The following DNAH8 variants were observed in gnomAD, a reference collection of about 807,000 sequenced individuals.
The protein encoded by DNAH8 is axonemal beta dynein heavy chain 8.
A neutral mutation model predicts 562.1 loss-of-function variants in DNAH8; 382 were observed. The observed-to-expected ratio is 0.68, with a 90% confidence interval of 0.63 to 0.74. The LOEUF is 0.74. Among genes scored for constraint, DNAH8 ranks in the 30% least tolerant of loss-of-function variants. The pLI is 0.00. For missense variants in DNAH8, 5,203 were observed against 5,620.4 expected (o/e 0.93, Z 2.37); for synonymous variants, 1,881 against 1,919.4 (o/e 0.98, Z 0.52).
intron 82 of DNAH8, among the ~76,000 whole-genome samples, chr6:38,965,699 G>A (rs1207513401): frequency 1.3e-5 from 2 of 152,126 alleles, no homozygotes; most frequent in African/African-American, 4.8e-5. Context: ...AATGTTTCCT[G>A]CATACACGCT....
chr6:38,957,254 A>G (rs766359039), intron 82 of DNAH8, among the ~76,000 whole-genome samples: 1 of 150,942 alleles, frequency 6.6e-6, no homozygotes, highest in Non-Finnish European at 1.5e-5. Flanking sequence ...TGCACCCAAC[A>G]TCAGAGCACC....
intron 88 of DNAH8, among the ~76,000 whole-genome samples, chr6:39,000,623 CCCAGATGG>C: frequency 6.6e-6 from 1 of 152,312 alleles, no homozygotes; most frequent in Admixed American, 6.5e-5. Flanking sequence ...TTCCATCACC[CCCAGATGG>C]GACCGTCTAG....
At chr6:38,865,543 A>G (rs923844019) in intron 45 of DNAH8, among the ~76,000 whole-genome samples, 1 of 152,220 alleles carries the variant, frequency 6.6e-6, no homozygotes, top group Non-Finnish European at 1.5e-5. Flanking sequence ...TCCATCATGA[A>G]TTCCATCTTC....
intron 28 of DNAH8, among the ~76,000 whole-genome samples, chr6:38,824,753 G>A (rs908935260): frequency 6.6e-6 from 1 of 152,084 alleles, no homozygotes; most frequent in African/African-American, 2.4e-5. Context: ...TATATGAGAC[G>A]CTTAGCATAG....
chr6:38,994,649 C>CTTTTTTTTTTTTTTTTTTTTTTTTTT (rs5875650), intron 88 of DNAH8, among the ~76,000 whole-genome samples: 1 of 119,736 alleles, frequency 8.4e-6, no homozygotes. Flanking sequence ...CTTTTTTTTT[C>CTTTTTTTTTTTTTTTTTTTTTTTTTT]TTTTTTTTTT....
intron 81 of DNAH8, 130 bp downstream of exon 81, chr6:38,949,700 G>A (rs900125028): frequency 3.2e-6 from 2 of 630,754 alleles, no homozygotes; most frequent in South Asian, 2.1e-5. Context: ...AATTACTTTT[G>A]TGCCAACCTA....
intron 36 of DNAH8, 44 bp from the exon 37 acceptor site, chr6:38,848,604 T>C: frequency 1.3e-6 from 2 of 1,517,322 alleles, no homozygotes. Context: ...TACTATTTTC[T>C]GAATCTTCTT....
chr6:38,904,326 A>C lies in DNAH8; in HGVS notation c.9195-1928A>C, dbSNP rs547466434. 2.1e-3 allele frequency among the ~76,000 whole-genome samples: 318 copies of C among 152,252 alleles called. 1 individual carries two copies. The highest frequency in any genetic ancestry group is 4.0e-3 in the Non-Finnish European group (271 of 68,004). On this transcript the variant is annotated intron_variant, in intron 62 of 92. Transcript: ENST00000327475. ...CAGTAGAGAGGAACCTTTTGTGGTC[A>C]TGGGGAGTACGAATAGGGTGCGTCA...
intron 74 of DNAH8, 95 bp downstream of exon 74, chr6:38,926,305 A>C: frequency 5.6e-5 from 76 of 1,349,220 alleles, no homozygotes; most frequent in Non-Finnish European, 6.7e-5. Flanking sequence ...TGTCATCTCC[A>C]TGACAAATGT....
At chr6:38,933,085 C>T (rs1339908828) in intron 76 of DNAH8, among the ~76,000 whole-genome samples, 1 of 152,206 alleles carries the variant, frequency 6.6e-6, no homozygotes, top group Admixed American at 6.5e-5. Flanking sequence ...CTGTTTCCAT[C>T]GCCTCTCAGG....
intron 89 of DNAH8, among the ~76,000 whole-genome samples, chr6:39,010,799 ACG>A (rs1554163097): frequency 9.5e-6 from 1 of 105,106 alleles, no homozygotes. Context: ...ACGCACGTGT[ACG>A]CACACACACA....
chr6:38,867,475 TG>T (rs1777127868), intron 47 of DNAH8, among the ~76,000 whole-genome samples: 1 of 151,906 alleles, frequency 6.6e-6, no homozygotes, highest in African/African-American at 2.4e-5. Context: ...CCGGGTGCCG[TG>T]GCTCACGTCT....
At chr6:38,715,956 ATATAT>A (rs1215012419) in intron 1 of DNAH8, among the ~76,000 whole-genome samples, 1,087 of 26,836 alleles carry the variant, frequency 0.041, 6 homozygotes, top group Non-Finnish European at 0.054. Flanking sequence ...ATATATATAT[ATATAT>A]TTTTTTTTTT....
rs569866214 is a variant in DNAH8, at chr6:38,963,301, A to G, written c.12452-8291A>G. Among the ~76,000 whole-genome samples, 4 of 85,096 alleles carry G rather than the reference A, an allele frequency of 4.7e-5. No individual in the cohort carries two copies. In the Admixed American group the frequency reaches 6.0e-4, roughly 13 times the overall value. The allele number at this position is 85,096 out of a possible 152,430, so 55.8% of individuals were successfully genotyped here. A position where few individuals can be genotyped will look rare whatever the true frequency, so the allele number is the denominator to read the frequency against. Reference sequence around the variant, plus strand: ...TTTTTGTAAAGGACATATCATATTTATTCATACACATGCTGGAATTATTGG... The same window carrying G: ...TTTTTGTAAAGGACATATCATATTTGTTCATACACATGCTGGAATTATTGG... On this transcript the variant is annotated intron_variant, in intron 82 of 92. Coordinates refer to ENST00000327475, the MANE Select transcript of DNAH8 (RefSeq NM_001206927.2).
At chr6:38,832,573 G>C in intron 31 of DNAH8, 138 bp downstream of exon 31, 1 of 564,388 alleles carries the variant, frequency 1.8e-6, no homozygotes, top group Admixed American at 3.0e-5. Context: ...CAGAAAAAGG[G>C]GATAGCTAAT....
chr6:38,995,873 C>T (rs531232669), intron 88 of DNAH8, among the ~76,000 whole-genome samples: 174 of 152,330 alleles, frequency 1.1e-3, no homozygotes, highest in Admixed American at 2.7e-3. Context: ...TATAATCTAT[C>T]GAGGCAGCTC....
In DNAH8 at chr6:38,923,181, A is replaced by C. The variant is rs893504700; in HGVS notation, c.10786A>C (p.Asn3596His). 1.2e-6 allele frequency: 2 copies of C among 1,613,308 alleles called. No homozygotes were observed. The highest frequency in any genetic ancestry group is 1.7e-6 in the Non-Finnish European group (2 of 1,179,662). Residue 3596 changes from asparagine to histidine, a missense_variant, in exon 72 of 93, where the codon AAT (asparagine) becomes CAT (histidine). By Grantham distance (68) the Asn-to-His change is moderately conservative. Around this residue, in one of 6 missense-constraint regions of DNAH8, gnomAD observed 1,399 missense variants for 1,518.4 expected, o/e 0.92. Coordinates refer to ENST00000327475, the MANE Select transcript of DNAH8 (RefSeq NM_001206927.2). ...AAGTAAAGAATTCAAAGCTCAGATT[A>C]ATAGGTGGGAATCTGGGTCTTCTTC... ...QQSKEFKAQI[N>H]RLVGDILLCT...
intron 88 of DNAH8, among the ~76,000 whole-genome samples, chr6:38,997,667 A>G (rs1261980243): frequency 6.6e-6 from 1 of 152,242 alleles, no homozygotes; most frequent in Non-Finnish European, 1.5e-5. Flanking sequence ...ATGCTGGCTA[A>G]GTCTGTGTGA....
Position 38,786,749 on chromosome 6 carries a change from C to A in DNAH8, c.2396-16C>A. 6.2e-7 allele frequency: 1 copy of A among 1,606,842 alleles called. No individual in the cohort carries two copies. The highest frequency in any genetic ancestry group is 1.1e-5 in the South Asian group (1 of 89,750). ...GAAATTCAGAATGAGTAATGTCAAT[C>A]ATTATTTATTTGTAGCTTTACAAGC... On this transcript the variant is annotated splice_polypyrimidine_tract_variant and intron_variant, in intron 17 of 92. Transcript: ENST00000327475.
Sources: gnomAD v4.1 joint callset for allele counts (sites outside exome capture counted in the v4.1 genomes callset) on GRCh38, gnomAD v4.1.1 for gene constraint, gnomAD v4.1.1 regional missense constraint, MANE v1.5 for transcripts, NCBI Gene and HGNC (gene_info 2026-07-23, HGNC 2026-07-21) for gene names.